Variants in SHROOM3 observed in about 807,000 individuals in gnomAD.
SHROOM3 encodes shroom family member 3.
A neutral mutation model predicts 138.6 loss-of-function variants in SHROOM3; 47 were observed. The observed-to-expected ratio is 0.34, with a 90% CI of 0.27 to 0.43. SHROOM3 has a LOEUF of 0.43. SHROOM3 is among the 20% of genes least tolerant of loss of function. SHROOM3 has a pLI of 1.00. For synonymous variants in SHROOM3, 1,062 were observed against 1,063.3 expected (o/e 1.00, Z 0.02); for missense variants, 2,491 against 2,596.5 (o/e 0.96, Z 0.88).
chr4:76,549,558 G>A (rs933610022), intron 1 of SHROOM3, among the ~76,000 whole-genome samples: 2 of 151,944 alleles, frequency 1.3e-5, no homozygotes, highest in Non-Finnish European at 2.9e-5. Context: ...TAGTAGAGAC[G>A]GGGTTTCACC....
intron 1 of SHROOM3, among the ~76,000 whole-genome samples, chr4:76,446,201 G>T (rs66837396): frequency 0.058 from 8,811 of 152,010 alleles, 272 homozygotes; most frequent in Middle Eastern, 0.075. Context: ...AACTACTAAG[G>T]TACACATCTA....
At chr4:76,667,125 A>G (rs1718713421) in intron 2 of SHROOM3, among the ~76,000 whole-genome samples, 1 of 152,174 alleles carries the variant, frequency 6.6e-6, no homozygotes. Context: ...CAGTTTTACA[A>G]CTTCGTAAAA....
intron 2 of SHROOM3, among the ~76,000 whole-genome samples, chr4:76,600,600 T>C (rs527613466): frequency 1.1e-3 from 168 of 152,328 alleles, no homozygotes; most frequent in Non-Finnish European, 2.1e-3. Context: ...ACTTCAACTT[T>C]CTTATCAAGA....
At chr4:76,488,486 G>A (rs1045177310) in intron 1 of SHROOM3, among the ~76,000 whole-genome samples, 5 of 152,210 alleles carry the variant, frequency 3.3e-5, no homozygotes, top group African/African-American at 1.2e-4. Flanking sequence ...TCATTGGAGA[G>A]GAATAAAATA....
Position 76,498,915 on chromosome 4 carries a change from C to T in SHROOM3, c.169-56694C>T, listed in dbSNP as rs546329279. ...GAAGGCAGTTTCACCAGTCCTGCCT[C>T]TTGGATTTGTGCGATGGAAACTGAG... is the stretch of plus-strand genomic sequence containing the variant. On this transcript the variant is annotated intron_variant, in intron 1 of 10. Coordinates refer to ENST00000296043, the MANE Select transcript of SHROOM3 (RefSeq NM_020859.4). Among the ~76,000 whole-genome samples the T allele has an allele frequency of 2.6e-5, 4 of 152,224 alleles. No individual in the cohort carries two copies. The South Asian group carries it at 8.3e-4, about 32-fold the overall frequency.
intron 2 of SHROOM3, among the ~76,000 whole-genome samples, chr4:76,618,117 C>T (rs1157203975): frequency 1.3e-5 from 2 of 152,142 alleles, no homozygotes; most frequent in Admixed American, 6.5e-5. Context: ...TTGGGCAACA[C>T]AGGGAGACTC....
chr4:76,504,831 T>C (rs1732176322), intron 1 of SHROOM3, among the ~76,000 whole-genome samples: 1 of 152,200 alleles, frequency 6.6e-6, no homozygotes, highest in African/African-American at 2.4e-5. Flanking sequence ...ATCATCTGGA[T>C]GTCCCAGGAT....
chr4:76,482,777 G>C (rs1731644414), intron 1 of SHROOM3, among the ~76,000 whole-genome samples: 1 of 152,152 alleles, frequency 6.6e-6, no homozygotes, highest in Non-Finnish European at 1.5e-5. Context: ...AACCAAAACA[G>C]CATGGTACTG....
At chr4:76,545,230 C>T (rs976525855) in intron 1 of SHROOM3, among the ~76,000 whole-genome samples, 4 of 152,022 alleles carry the variant, frequency 2.6e-5, no homozygotes, top group African/African-American at 9.7e-5. Flanking sequence ...TTTTCAGAAT[C>T]GGCCACCTTG....
chr4:76,706,692 G>A (rs1720066264), intron 2 of SHROOM3, among the ~76,000 whole-genome samples: 1 of 152,204 alleles, frequency 6.6e-6, no homozygotes, highest in Non-Finnish European at 1.5e-5. Flanking sequence ...AGGGTCATCT[G>A]TACTTTATTC....
At position 76,741,566 on chromosome 4, in the gene SHROOM3, C is replaced by T. The variant is rs189990679; in HGVS notation, c.3393C>T (p.Ser1131=). Residue 1131 remains serine (S), a synonymous_variant, in exon 5 of 11, where the codon TCC becomes TCT. Transcript: ENST00000296043. The surrounding 1 kb of genome is among the most constrained non-coding windows in gnomAD (Gnocchi z 6.2). ...CCGGCCCCGCGGCGCTCGAAGGCTC[C>T]GGCCTCGCCTCGGCCTCCAGCTTGA... ...LQPGPAALEG[S]GLASASSLSS... is the part of the protein sequence containing the mutation. The T allele has an allele frequency of 8.7e-4, 1,343 of 1,544,656 alleles. 15 individuals are homozygous for T. The African/African-American group carries it at 0.017, about 19-fold the overall frequency.
intron 1 of SHROOM3, among the ~76,000 whole-genome samples, chr4:76,545,784 G>A (rs1733204454): frequency 6.6e-6 from 1 of 152,154 alleles, no homozygotes; most frequent in Non-Finnish European, 1.5e-5. Flanking sequence ...TAGTCTTATT[G>A]TTCCCATATT....
chr4:76,577,858 A>T (rs1733971773), intron 2 of SHROOM3, among the ~76,000 whole-genome samples: 1 of 152,218 alleles, frequency 6.6e-6, no homozygotes, highest in Admixed American at 6.5e-5. Context: ...ATATAAGACA[A>T]TGTTTCCATA....
intron 2 of SHROOM3, among the ~76,000 whole-genome samples, chr4:76,683,968 T>G (rs1447461604): frequency 6.6e-6 from 1 of 152,122 alleles, no homozygotes; most frequent in African/African-American, 2.4e-5. Flanking sequence ...CTTCATGAAG[T>G]TTTTCTGGAT....
At chr4:76,559,590 A>G (rs1399308135) in intron 2 of SHROOM3, 3 of 152,172 alleles carry the variant, frequency 2.0e-5, no homozygotes, top group Admixed American at 1.3e-4. Flanking sequence ...TTTGGCAGCC[A>G]TGTACCTGCC....
chr4:76,439,737 C>T (rs1730631224), intron 1 of SHROOM3, among the ~76,000 whole-genome samples: 1 of 152,208 alleles, frequency 6.6e-6, no homozygotes, highest in Non-Finnish European at 1.5e-5. Flanking sequence ...CAGCTATAAA[C>T]TGCCAGGTTA....
chr4:76,459,595 C>G (rs531324524), intron 1 of SHROOM3, among the ~76,000 whole-genome samples: 1 of 152,262 alleles, frequency 6.6e-6, no homozygotes, highest in Non-Finnish European at 1.5e-5. Context: ...AGGAAAATCT[C>G]GCACAGCCAG....
chr4:76,777,532 C>A (rs1320139358), intron 10 of SHROOM3, among the ~76,000 whole-genome samples: 1 of 152,096 alleles, frequency 6.6e-6, no homozygotes, highest in South Asian at 2.1e-4. Flanking sequence ...AGGATCATAT[C>A]GTTGGCAAAC....
chr4:76,698,087 T>C (rs1211535623), intron 2 of SHROOM3, among the ~76,000 whole-genome samples: 1 of 152,194 alleles, frequency 6.6e-6, no homozygotes, highest in Non-Finnish European at 1.5e-5. Context: ...ATGTAAATTG[T>C]GCTCCCAAAG....
Sources: gnomAD v4.1 joint callset for allele counts (sites outside exome capture counted in the v4.1 genomes callset) on GRCh38, gnomAD v4.1.1 for gene constraint, Gnocchi (gnomAD v3.1) non-coding constraint, MANE v1.5 for transcripts, NCBI Gene and HGNC (gene_info 2026-07-23, HGNC 2026-07-21) for gene names.